ERICH1: variants seen among roughly 807,000 people sequenced by gnomAD.
The protein encoded by ERICH1 is glutamate-rich protein 1.
A neutral mutation model predicts 39.6 loss-of-function variants in ERICH1; 56 were observed. The ratio of observed to expected loss-of-function variants is 1.41; its 90% CI spans 1.14 to 1.77. The LOEUF (loss-of-function observed/expected upper bound fraction) is 1.77, where lower values mean the gene tolerates loss of function less well. Ranked by LOEUF, ERICH1 falls within the 40% of genes most tolerant of loss-of-function variation. The probability of loss-of-function intolerance (pLI) is 0.00; values close to 1 mark genes in which losing one functional copy is unlikely to be tolerated. For missense variants in ERICH1, 826 were observed against 575.4 expected, an observed-to-expected ratio of 1.44 and a Z score of -4.45; for synonymous variants, 313 against 223.6, an observed-to-expected ratio of 1.40 and a Z score of -3.57.
chr8:643,488 G>A (rs1394072826), intron 3 of ERICH1, among the ~76,000 whole-genome samples: 2 of 152,018 alleles, frequency 1.3e-5, no homozygotes, highest in African/African-American at 4.8e-5. Flanking sequence ...GTGATGGGGG[G>A]CACTGATGGT....
chr8:716,498 T>A (rs1303240612), intron 1 of ERICH1, among the ~76,000 whole-genome samples: 1 of 152,238 alleles, frequency 6.6e-6, no homozygotes, highest in African/African-American at 2.4e-5. Flanking sequence ...GAACCCACGG[T>A]CTGCACTCTC....
rs757930471 is a variant in ERICH1, at chr8:638,825, G to C, written c.977-23541C>G. 2.6e-5 allele frequency among the ~76,000 whole-genome samples: 4 copies of C among 152,082 alleles called. No homozygotes were observed. The South Asian group carries it at 6.2e-4, about 24-fold the overall frequency. On this transcript the variant is annotated intron_variant, in intron 3 of 3. Transcript: ENST00000522706. ...ATTTTGACCCCGGCCTGTCGTCATC[G>C]AGAGCAAGGCCACGGCAGTCACCCG...
intron 3 of ERICH1, among the ~76,000 whole-genome samples, chr8:656,473 T>G (rs1270165601): frequency 6.6e-6 from 1 of 152,258 alleles, no homozygotes; most frequent in African/African-American, 2.4e-5. Flanking sequence ...CCCACTTTTT[T>G]GTGAGAAGTA....
Position 701,698 on chromosome 8 carries a change from TTAGA to T in ERICH1, c.170-9090_170-9087del, listed in dbSNP as rs1413797579. ...AATATCTTTGTTATTGAGGTAGATT[TTAGA>T]TAAAGATTTCTTAAACAAAACACAA... On this transcript the variant is annotated intron_variant, in intron 2 of 5. Coordinates refer to ENST00000262109, the MANE Select transcript of ERICH1 (RefSeq NM_207332.3). Among the ~76,000 whole-genome samples the T allele has an allele frequency of 3.9e-5, 6 of 152,306 alleles. No individual in the cohort carries two copies. In the East Asian group the frequency reaches 5.8e-4, roughly 15 times the overall value.
At chr8:661,470 C>T (rs1801416628), downstream of ERICH1, among the ~76,000 whole-genome samples, 1 of 152,174 alleles carries the variant, frequency 6.6e-6, no homozygotes, top group Non-Finnish European at 1.5e-5. Flanking sequence ...TCCTTCTAGG[C>T]ACAACTGTCT....
chr8:655,304 C>G (rs951408304), intron 3 of ERICH1, among the ~76,000 whole-genome samples: 1 of 152,226 alleles, frequency 6.6e-6, no homozygotes, highest in African/African-American at 2.4e-5. Flanking sequence ...CCTCATGCCA[C>G]AGGCAGGTTG....
At chr8:645,132 G>A (rs1703883) in intron 3 of ERICH1, among the ~76,000 whole-genome samples, 44,806 of 67,576 alleles carry the variant, frequency 0.66, 21,063 homozygotes, top group East Asian at 0.82. Context: ...CGCTGGCCCC[G>A]GTTGAGGGGG....
At chr8:703,064 A>C (rs1471976940) in intron 2 of ERICH1, among the ~76,000 whole-genome samples, 1 of 152,226 alleles carries the variant, frequency 6.6e-6, no homozygotes, top group Non-Finnish European at 1.5e-5. Context: ...CAGGAGCTGG[A>C]AACTAAAAGG....
intron 3 of ERICH1, among the ~76,000 whole-genome samples, chr8:633,693 C>G (rs931427758): frequency 1.3e-5 from 2 of 152,106 alleles, no homozygotes; most frequent in South Asian, 4.1e-4. Flanking sequence ...GTGTATGGAC[C>G]AAGGGAACAG....
intron 4 of ERICH1, among the ~76,000 whole-genome samples, 197 bp downstream of exon 4, chr8:673,092 C>T (rs1043308403): frequency 5.9e-5 from 9 of 152,236 alleles, no homozygotes; most frequent in Non-Finnish European, 1.3e-4. Context: ...GTGGAAAGCA[C>T]ATAAATACTC....
intron 3 of ERICH1, among the ~76,000 whole-genome samples, chr8:640,391 C>T (rs747192192): frequency 6.6e-6 from 1 of 152,168 alleles, no homozygotes; most frequent in Admixed American, 6.6e-5. Flanking sequence ...GAAAAATTGC[C>T]AAAGTCAAGG....
chr8:721,705 G>A (rs1454581749), intron 1 of ERICH1, among the ~76,000 whole-genome samples: 1 of 152,228 alleles, frequency 6.6e-6, no homozygotes, highest in Non-Finnish European at 1.5e-5. Flanking sequence ...AACACAGCCT[G>A]TCTTCCAACG....
chr8:620,580 C>A (rs336420), intron 3 of ERICH1, among the ~76,000 whole-genome samples: 1 of 151,994 alleles, frequency 6.6e-6, no homozygotes, highest in Non-Finnish European at 1.5e-5. Context: ...TTTAAAAATA[C>A]AAATGAGTTG....
intron 3 of ERICH1, among the ~76,000 whole-genome samples, chr8:650,612 C>T (rs905629886): frequency 6.6e-6 from 1 of 152,186 alleles, no homozygotes; most frequent in Non-Finnish European, 1.5e-5. Flanking sequence ...CCGGTGTCAA[C>T]GCGCTCAGAT....
rs188173795 is a variant in ERICH1 at position 624,875 on chromosome 8, C to T, written c.977-9591G>A. Among the ~76,000 whole-genome samples, 52 of 152,136 alleles carry T rather than the reference C, an allele frequency of 3.4e-4. 1 individual carries two copies. The highest frequency in any genetic ancestry group is 6.8e-3 in the Middle Eastern group (2 of 294). On this transcript the variant is annotated intron_variant, in intron 3 of 3. Transcript: ENST00000522706. Reference sequence around the variant, plus strand: ...CAGAGTAGCTGGGACTACAGGTGCCCGCCACCATGCCTGGCTAATTTTTTG... The same window carrying T: ...CAGAGTAGCTGGGACTACAGGTGCCTGCCACCATGCCTGGCTAATTTTTTG...
intron 3 of ERICH1, among the ~76,000 whole-genome samples, chr8:634,739 C>A (rs1326930372): frequency 7.9e-5 from 12 of 152,184 alleles, no homozygotes; most frequent in African/African-American, 2.9e-4. Context: ...ACACTGAGTC[C>A]CACGCGGGAT....
intron 3 of ERICH1, among the ~76,000 whole-genome samples, chr8:655,480 G>A (rs1007242635): frequency 1.3e-5 from 2 of 152,196 alleles, no homozygotes; most frequent in Non-Finnish European, 2.9e-5. Flanking sequence ...TCTGGACGAT[G>A]GTGCACCAGC....
intron 3 of ERICH1, among the ~76,000 whole-genome samples, chr8:681,176 G>C (rs1806038847): frequency 6.6e-6 from 1 of 152,202 alleles, no homozygotes; most frequent in African/African-American, 2.4e-5. Flanking sequence ...TTTGACAGCA[G>C]CTCCAGGGTC....
At chr8:687,802 C>T (rs187438779) in intron 3 of ERICH1, among the ~76,000 whole-genome samples, 115 of 152,286 alleles carry the variant, frequency 7.6e-4, no homozygotes, top group African/African-American at 2.7e-3. Context: ...ACGGGGCAGC[C>T]ACGGAGGAAT....
Sources: gnomAD v4.1 joint callset for allele counts (sites outside exome capture counted in the v4.1 genomes callset) on GRCh38, gnomAD v4.1.1 for gene constraint, MANE v1.5 for transcripts, NCBI Gene and HGNC (gene_info 2026-07-23, HGNC 2026-07-21) for gene names.